DNAH2: variants seen among roughly 807,000 people sequenced by gnomAD.
DNAH2 encodes the protein dynein axonemal heavy chain 2, also known as axonemal beta dynein heavy chain 2.
DNAH2 carries 323 observed loss-of-function variants against 523.5 expected under a neutral mutation model. The ratio of observed to expected loss-of-function variants is 0.62; its 90% CI spans 0.56 to 0.68. DNAH2 has a LOEUF of 0.68. DNAH2 is among the 30% of genes least tolerant of loss of function. The pLI is 0.00. For synonymous variants in DNAH2, 2,093 were observed against 2,177.4 expected (o/e 0.96, Z 1.08); for missense variants, 4,907 against 5,701.5 (o/e 0.86, Z 4.49).
intron 59 of DNAH2, 140 bp downstream of exon 59, chr17:7,804,606 G>A (rs2077315562): frequency 1.0e-6 from 1 of 1,003,740 alleles, no homozygotes; most frequent in Admixed American, 2.4e-5. Flanking sequence ...AGCACTTTGG[G>A]AGGCTGAGGC....
In DNAH2 at chr17:7,832,807, T is replaced by A; in HGVS notation, c.12904-47T>A. 1 of 1,614,074 alleles carries A rather than the reference T, an allele frequency of 6.2e-7. No individual in the cohort carries two copies. Among genetic ancestry groups the A allele is most frequent in the Non-Finnish European group, 8.5e-7 (1 of 1,179,974 alleles). ...GGGATGTATGCTGGGGCCATGTATG[T>A]GTTCTCCTCTTCAGGGTCCTCTCTT... On this transcript the variant is annotated intron_variant, in intron 83 of 85. Coordinates refer to ENST00000572933, the MANE Select transcript of DNAH2 (RefSeq NM_020877.5). This position sits in a 1 kb window ranked among gnomAD's most constrained non-coding sequence, Gnocchi z 4.3.
intron 12 of DNAH2, among the ~76,000 whole-genome samples, chr17:7,751,880 ATATCTT>A (rs1247140653): frequency 6.6e-6 from 1 of 151,634 alleles, no homozygotes; most frequent in East Asian, 1.9e-4. Context: ...CTTTAGAAGA[ATATCTT>A]TATGATTTTG....
chr17:7,797,613 T>C, intron 52 of DNAH2, 67 bp from the exon 53 acceptor site: 1 of 1,613,738 alleles, frequency 6.2e-7, no homozygotes, highest in Non-Finnish European at 8.5e-7. Context: ...GGGTCTGAAG[T>C]GTGGAGCCCT....
Position 7,807,591 on chromosome 17 carries a change from G to A in DNAH2, c.9729+5G>A. 6.2e-7 allele frequency: 1 copy of A among 1,609,124 alleles called. No homozygotes were observed. The highest frequency in any genetic ancestry group is 8.5e-7 in the Non-Finnish European group (1 of 1,179,212). ...GCCCAGGAGAAGCTGCGGGAGGTGA[G>A]CTGATCGCCTGTCCTTTCCACGGAG... On this transcript the variant is annotated splice_donor_5th_base_variant and intron_variant, in intron 63 of 85. Coordinates refer to ENST00000572933, the MANE Select transcript of DNAH2 (RefSeq NM_020877.5). The surrounding 1 kb of genome is among the most constrained non-coding windows in gnomAD (Gnocchi z 5.6).
rs755712524 is a variant in DNAH2, at chr17:7,740,372, G to C, written c.1377-48G>C. 7 of 1,607,264 alleles carry C rather than the reference G, an allele frequency of 4.4e-6. No homozygotes were observed. The South Asian group carries it at 5.6e-5, about 13-fold the overall frequency. On this transcript the variant is annotated intron_variant, in intron 9 of 85. Transcript: ENST00000572933. ...GATTCTTCCTCAGGGGTTGGAGTTGGGGGCAGGCGAGGGCACTCAGCTGCC... is the reference window on the plus strand; with the variant it reads ...GATTCTTCCTCAGGGGTTGGAGTTGCGGGCAGGCGAGGGCACTCAGCTGCC...
At chr17:7,819,112 C>A in intron 71 of DNAH2, 49 bp downstream of exon 71, 1 of 1,601,244 alleles carries the variant, frequency 6.2e-7, no homozygotes, top group East Asian at 2.2e-5. Flanking sequence ...ATCCAAGATG[C>A]AACTCCATCA....
At chr17:7,770,205 G>A in intron 24 of DNAH2, 47 bp from the exon 25 acceptor site, 1 of 1,534,782 alleles carries the variant, frequency 6.5e-7, no homozygotes. Context: ...CAGCAATGGA[G>A]TGATGGTAAC....
chr17:7,808,131 G>A (rs2077416969), intron 63 of DNAH2, among the ~76,000 whole-genome samples: 1 of 152,146 alleles, frequency 6.6e-6, no homozygotes, highest in Non-Finnish European at 1.5e-5. Flanking sequence ...AGCACTTTGG[G>A]AGGCCGAGGT....
chr17:7,770,869 T>C lies in DNAH2; in HGVS notation c.4298T>C (p.Leu1433Pro). ...EKDVDHWERCLSLILEVIEMI... is the reference protein window; with the variant it reads ...EKDVDHWERCPSLILEVIEMI... The stretch of plus-strand genomic sequence containing the variant: ...GATGTGGACCACTGGGAACGCTGCC[T>C]CTCCCTCATTTTGGAGGTTATTGAG... Residue 1433 changes from leucine (L) to proline (P), a missense_variant, in exon 27 of 86, where the codon CTC (leucine) becomes CCC (proline). Physicochemically the swap from Leu to Pro is moderately conservative, Grantham distance 98. Transcript: ENST00000572933. The C allele has an allele frequency of 6.2e-7, 1 of 1,614,174 alleles. No individual in the cohort carries two copies. Among genetic ancestry groups the C allele is most frequent in the South Asian group, 1.1e-5 (1 of 91,086 alleles).
rs1241423619 is a variant in DNAH2, at chr17:7,727,215, G to T, written c.322G>T (p.Asp108Tyr). The change falls in exon 4 of 86, where the codon GAC becomes TAC. Residue 108 changes from aspartate (D) to tyrosine (Y), a missense_variant. By Grantham distance (160) the Asp-to-Tyr change is radical (BLOSUM62 -3). Transcript: ENST00000572933. ...TGCCATTCTGGAACACTTTGCCCAG[G>T]ACCCTACAGAATCCATCCTCACCAT... is the stretch of plus-strand genomic sequence containing the variant. The part of the protein sequence containing the change: ...HDAILEHFAQ[D>Y]PTESILTIFI... The T allele has an allele frequency of 6.2e-7, 1 of 1,610,754 alleles. No individual in the cohort carries two copies. Among genetic ancestry groups the T allele is most frequent in the Non-Finnish European group, 8.5e-7 (1 of 1,178,738 alleles).
At chr17:7,819,512 C>A in intron 72 of DNAH2, 104 bp downstream of exon 72, 1 of 1,266,756 alleles carries the variant, frequency 7.9e-7, no homozygotes, top group Non-Finnish European at 1.1e-6. Flanking sequence ...CTCAGCCTGC[C>A]GCTGTCCTTG....
rs1185743066 is a variant in DNAH2, at chr17:7,798,031, A to C, written c.8231-126A>C. ...AATTGCCTCCTGGGCCTTGGGCACC[A>C]ACTTCTTCTCATACCTCTTGGTTCC... On this transcript the variant is annotated intron_variant, in intron 53 of 85. Transcript: ENST00000572933. This position sits in a 1 kb window ranked among gnomAD's most constrained non-coding sequence, Gnocchi z 5.5. 1 of 1,410,630 alleles carries C rather than the reference A, an allele frequency of 7.1e-7. No homozygotes were observed. The highest frequency in any genetic ancestry group is 1.4e-5 in the African/African-American group (1 of 69,748). The allele number at this position is 1,410,630 out of a possible 1,614,324, so 87.4% of individuals were successfully genotyped here.
At chr17:7,787,371 C>A in intron 42 of DNAH2, 1 of 392,560 alleles carries the variant, frequency 2.5e-6, no homozygotes, top group Non-Finnish European at 4.6e-6. Context: ...CCCTTTTCCA[C>A]CCACTCCAAC....
At position 7,724,742 on chromosome 17, in the gene DNAH2, CTTTT is replaced by C. The variant is rs57294591; in HGVS notation, c.228+1065_228+1068del. Among the ~76,000 whole-genome samples the C allele has an allele frequency of 2.5e-4, 32 of 130,446 alleles. 1 individual carries two copies. In the Admixed American group the frequency reaches 2.6e-3, roughly 11 times the overall value. The allele number at this position is 130,446 out of a possible 152,430, so 85.6% of individuals were successfully genotyped here. A position where few individuals can be genotyped will look rare whatever the true frequency, so the allele number is the denominator to read the frequency against. On this transcript the variant is annotated intron_variant, in intron 3 of 85. Coordinates refer to ENST00000572933, the MANE Select transcript of DNAH2 (RefSeq NM_020877.5). ...ATAATCCTAACTTTATCATATGTTA[CTTTT>C]TTTTTTTTTTTCTGAGATGGAGTCT...
chr17:7,798,154 C>CA lies in DNAH2; in HGVS notation c.8231-2dup, dbSNP rs760734223. The CA allele has an allele frequency of 1.8e-5, 29 of 1,586,252 alleles. No homozygotes were observed. The African/African-American group carries it at 3.5e-4, about 19-fold the overall frequency. On this transcript the variant is annotated splice_region_variant and splice_polypyrimidine_tract_variant and intron_variant, in intron 53 of 85. Transcript: ENST00000572933. This position sits in a 1 kb window ranked among gnomAD's most constrained non-coding sequence, Gnocchi z 5.5. Reference sequence around the variant, plus strand: ...ATTACCCTCACACCCACCCCACCCCCAGTCACACGGATCGTGCGGGTCATT... The same window carrying CA: ...ATTACCCTCACACCCACCCCACCCCCAAGTCACACGGATCGTGCGGGTCATT...
At chr17:7,720,368 G>A (rs925741561) in intron 2 of DNAH2, among the ~76,000 whole-genome samples, 1 of 152,190 alleles carries the variant, frequency 6.6e-6, no homozygotes, top group African/African-American at 2.4e-5. Flanking sequence ...CATCTGTTGA[G>A]GGCTGTTCTA....
intron 11 of DNAH2, 53 bp downstream of exon 11, chr17:7,741,045 A>G: frequency 1.3e-6 from 2 of 1,550,238 alleles, no homozygotes; most frequent in Non-Finnish European, 1.7e-6. Flanking sequence ...GCCAGGAGGG[A>G]TGGGGGATGG....
At chr17:7,787,692 C>T (rs538386297) in intron 42 of DNAH2, 168 bp from the exon 43 acceptor site, 76 of 854,938 alleles carry the variant, frequency 8.9e-5, no homozygotes, top group African/African-American at 5.6e-4. Context: ...GCCAAGATCA[C>T]GCCACTGCAC....
At chr17:7,723,741 T>C (rs144633517) in intron 3 of DNAH2, 52 bp downstream of exon 3, 179 of 1,506,188 alleles carry the variant, frequency 1.2e-4, no homozygotes, top group Non-Finnish European at 1.6e-4. Context: ...AACTGGTGAA[T>C]CAAAGGATCA....
Sources: allele counts gnomAD v4.1 joint callset (sites outside exome capture counted in the v4.1 genomes callset), GRCh38; gene constraint gnomAD v4.1.1; non-coding constraint Gnocchi (gnomAD v3.1); transcripts MANE v1.5; gene names NCBI Gene and HGNC (gene_info 2026-07-23, HGNC 2026-07-21).